The following HEATR4 variants were observed in gnomAD, a reference collection of about 807,000 sequenced individuals.
The protein encoded by HEATR4 is HEAT repeat containing 4.
In HEATR4, 95 loss-of-function variants were observed where a neutral mutation model predicts 108.8. That is an observed-to-expected ratio of 0.87 (90% CI 0.74 to 1.04). The LOEUF is 1.04. HEATR4 is among the 50% of genes least tolerant of loss of function. The pLI is 0.00. For synonymous variants in HEATR4, 443 were observed against 459.4 expected (o/e 0.96, Z 0.46); for missense variants, 1,152 against 1,253.8 (o/e 0.92, Z 1.23).
upstream of HEATR4, among the ~76,000 whole-genome samples, chr14:73,563,761 A>T (rs1244818757): frequency 6.6e-6 from 1 of 151,968 alleles, no homozygotes; most frequent in Non-Finnish European, 1.5e-5. Flanking sequence ...CCAGAGTTCG[A>T]GACCAGTCTG....
the HEATR4 span, among the ~76,000 whole-genome samples, chr14:73,589,552 C>A: frequency 6.6e-6 from 1 of 152,182 alleles, no homozygotes; most frequent in Non-Finnish European, 1.5e-5. Context: ...CTCCCAACCT[C>A]AAGCGATCCG....
At chr14:73,559,914 C>T (rs11624916), upstream of HEATR4, among the ~76,000 whole-genome samples, 23,735 of 151,884 alleles carry the variant, frequency 0.16, 2,256 homozygotes, top group East Asian at 0.32. Flanking sequence ...AGCTGTCCGT[C>T]GACTTTTCCA....
the HEATR4 span, among the ~76,000 whole-genome samples, chr14:73,580,202 T>C: frequency 2.6e-5 from 4 of 152,180 alleles, no homozygotes; most frequent in Admixed American, 6.6e-5. Flanking sequence ...TCATAGCTCA[T>C]TGCAGCCTCA....
At chr14:73,625,442 A>C in the HEATR4 span, among the ~76,000 whole-genome samples, 17 of 151,882 alleles carry the variant, frequency 1.1e-4, no homozygotes, top group African/African-American at 4.1e-4. Context: ...ACTCACAGCA[A>C]CCTCCGCCTC....
chr14:73,490,169 A>G (rs1291439017), intron 17 of HEATR4, among the ~76,000 whole-genome samples: 1 of 152,220 alleles, frequency 6.6e-6, no homozygotes, highest in Non-Finnish European at 1.5e-5. Context: ...TCTGTCGCCC[A>G]GGCTGGAGTG....
chr14:73,595,518 T>G, the HEATR4 span: 48 of 1,613,206 alleles, frequency 3.0e-5, no homozygotes, highest in Non-Finnish European at 3.9e-5. Flanking sequence ...CTTCACAGAT[T>G]ACTGAACAAA....
chr14:73,581,132 C>CTTTTTTTTTTT, the HEATR4 span: 2 of 144,310 alleles, frequency 1.4e-5, no homozygotes, highest in African/African-American at 2.5e-5. Flanking sequence ...TCACCTCACA[C>CTTTTTTTTTTT]TTTTTTTTTT....
At chr14:73,483,063 G>C (rs922365582) in intron 17 of HEATR4, among the ~76,000 whole-genome samples, 5 of 152,196 alleles carry the variant, frequency 3.3e-5, no homozygotes, top group African/African-American at 1.2e-4. Context: ...CAAATGTATA[G>C]AGCAACTTCA....
At chr14:73,625,417 A>G in the HEATR4 span, among the ~76,000 whole-genome samples, 3 of 151,926 alleles carry the variant, frequency 2.0e-5, no homozygotes, top group East Asian at 5.8e-4. Flanking sequence ...GCTGGAGTGC[A>G]GTGGCACGAT....
the HEATR4 span, among the ~76,000 whole-genome samples, chr14:73,620,573 CTT>C: frequency 6.8e-6 from 1 of 146,986 alleles, no homozygotes; most frequent in African/African-American, 2.5e-5. Context: ...CTGCCTCATT[CTT>C]TTTTTTTTTG....
intron 17 of HEATR4, among the ~76,000 whole-genome samples, chr14:73,490,698 A>G (rs1244057193): frequency 6.6e-6 from 1 of 152,168 alleles, no homozygotes; most frequent in Non-Finnish European, 1.5e-5. Context: ...CAGGTGATCC[A>G]CACACCTCGG....
At chr14:73,595,819 T>C in the HEATR4 span, 2 of 788,286 alleles carry the variant, frequency 2.5e-6, no homozygotes, top group Non-Finnish European at 3.6e-6. Context: ...GTTTTACTAA[T>C]GTAACTTGCT....
At chr14:73,537,540 A>T in intron 1 of HEATR4, 1 of 1,212,734 alleles carries the variant, frequency 8.2e-7, no homozygotes, top group South Asian at 1.4e-5. Context: ...TCCCTGCGCG[A>T]CGAGAAGGGC....
chr14:73,483,031 G>A (rs561195302), intron 17 of HEATR4, among the ~76,000 whole-genome samples: 2 of 152,128 alleles, frequency 1.3e-5, no homozygotes, highest in Non-Finnish European at 2.9e-5. Flanking sequence ...GAAGGAATAC[G>A]GACTGCATGT....
the HEATR4 span, among the ~76,000 whole-genome samples, chr14:73,629,027 C>G: frequency 6.6e-6 from 1 of 151,072 alleles, no homozygotes; most frequent in African/African-American, 2.4e-5. Context: ...TGCACTTCAG[C>G]CTGAGCAACA....
chr14:73,481,025 A>T (rs527394250), intron 17 of HEATR4: 2 of 151,988 alleles, frequency 1.3e-5, no homozygotes, highest in South Asian at 4.2e-4. Flanking sequence ...CAAAAAAAAA[A>T]GAAAGAAAGA....
chr14:73,569,669 C>G, the HEATR4 span: 1 of 1,608,230 alleles, frequency 6.2e-7, no homozygotes, highest in Non-Finnish European at 8.5e-7. Flanking sequence ...TGGGGCTGCT[C>G]TGGGCCTTGG....
At chr14:73,527,032 C>T (rs773687964) in intron 2 of HEATR4, among the ~76,000 whole-genome samples, 4 of 151,984 alleles carry the variant, frequency 2.6e-5, no homozygotes, top group Non-Finnish European at 5.9e-5. Context: ...CCAAGGCCAC[C>T]AAAGATACAG....
In HEATR4 at chr14:73,525,924, G is replaced by A. The variant is rs981671438; in HGVS notation, c.-72-2700C>T. Among the ~76,000 whole-genome samples the A allele has an allele frequency of 8.0e-5, 12 of 149,842 alleles. No homozygotes were observed. In the South Asian group the frequency reaches 2.6e-3, roughly 32 times the overall value. ...GACGAAATGGTGCCACTGCGCTCCAGCCTGGGTGACAGAGTGAGACTCCTT... is the reference window on the plus strand; with the variant it reads ...GACGAAATGGTGCCACTGCGCTCCAACCTGGGTGACAGAGTGAGACTCCTT... On this transcript the variant is annotated intron_variant, in intron 2 of 17. Coordinates refer to ENST00000553558, the MANE Select transcript of HEATR4 (RefSeq NM_001220484.1).
Sources: gnomAD v4.1 joint callset for allele counts (sites outside exome capture counted in the v4.1 genomes callset) on GRCh38, gnomAD v4.1.1 for gene constraint, MANE v1.5 for transcripts, NCBI Gene and HGNC (gene_info 2026-07-23, HGNC 2026-07-21) for gene names.